Variants in PRDM16 observed in about 807,000 individuals in gnomAD.
PRDM16 encodes histone-lysine N-methyltransferase PRDM16.
Under a neutral mutation model 110.6 loss-of-function variants are expected in PRDM16, and 23 were observed. That is an observed-to-expected ratio of 0.21 (90% CI 0.15 to 0.29). PRDM16 has a LOEUF of 0.29. Among genes scored for constraint, PRDM16 ranks in the 10% least tolerant of loss-of-function variants. The pLI is 1.00. For synonymous variants in PRDM16, 799 were observed against 781.8 expected (o/e 1.02, Z -0.37); for missense variants, 1,615 against 1,794.3 (o/e 0.90, Z 1.81).
rs1231324055 is a variant in PRDM16 at position 3,209,729 on chromosome 1, C to G, written c.387+23255C>G. On this transcript the variant is annotated intron_variant, in intron 2 of 16. Transcript: ENST00000270722. This position sits in a 1 kb window ranked among gnomAD's most constrained non-coding sequence, Gnocchi z 4.6. ...CACAGCCCTCCCGCCCCCCACAGAG[C>G]CCCTTCCCTGAGGGTTGGGCCAGGA... 6.6e-6 allele frequency among the ~76,000 whole-genome samples: 1 copy of G among 152,194 alleles called. No homozygotes were observed. The highest frequency in any genetic ancestry group is 1.5e-5 in the Non-Finnish European group (1 of 68,042).
chr1:3,091,548 G>C (rs1258427213), intron 1 of PRDM16, among the ~76,000 whole-genome samples: 1 of 152,232 alleles, frequency 6.6e-6, no homozygotes, highest in African/African-American at 2.4e-5. Flanking sequence ...ACACTTCTCC[G>C]TGCACCCCTC....
chr1:3,267,987 C>T (rs556819434), intron 3 of PRDM16, among the ~76,000 whole-genome samples: 3 of 152,368 alleles, frequency 2.0e-5, no homozygotes, highest in South Asian at 2.1e-4. Context: ...GCCTGCCGTT[C>T]GCAAGCAACG....
chr1:3,309,442 T>C (rs1454017884), intron 3 of PRDM16: 2 of 152,200 alleles, frequency 1.3e-5, no homozygotes, highest in Non-Finnish European at 1.5e-5. Flanking sequence ...CACTGCTCCA[T>C]ATGTGGGGAG....
chr1:3,331,261 G>T (rs1000133493), intron 3 of PRDM16, among the ~76,000 whole-genome samples: 3 of 152,100 alleles, frequency 2.0e-5, no homozygotes, highest in African/African-American at 4.8e-5. Context: ...GCCAGCCTGG[G>T]GGGGGCGCAT....
In PRDM16 at chr1:3,417,957, G is replaced by C. The variant is rs538880639; in HGVS notation, c.2821G>C (p.Asp941His). 1 of 1,416,152 alleles carries C rather than the reference G, an allele frequency of 7.1e-7. No homozygotes were observed. Among genetic ancestry groups the C allele is most frequent in the African/African-American group, 1.5e-5 (1 of 66,454 alleles). 87.7% of individuals were successfully genotyped at this position (1,416,152 alleles called of 1,614,324 possible). A position where few individuals can be genotyped will look rare whatever the true frequency, so the allele number is the denominator to read the frequency against. The stretch of plus-strand genomic sequence containing the variant: ...CCGGTCCCCACCCCCAACGCTCTCC[G>C]ACCCCATCCTCAGGAAGGGCAAGGA... The part of the protein sequence containing the change: ...NFRSPPPTLS[D>H]PILRKGKERY... The change falls in exon 11 of 17, where the codon GAC (aspartate) becomes CAC (histidine). Residue 941 changes from aspartate (D) to histidine (H), a missense_variant. Coordinates refer to ENST00000270722, the MANE Select transcript of PRDM16 (RefSeq NM_022114.4).
intron 16 of PRDM16, 27 bp from the exon 17 acceptor site, chr1:3,433,650 G>A: frequency 6.3e-7 from 1 of 1,596,448 alleles, no homozygotes. Flanking sequence ...TGCCTGTCCT[G>A]TGTGTGTGTC....
At chr1:3,362,164 C>T (rs552761954) in intron 3 of PRDM16, among the ~76,000 whole-genome samples, 1 of 152,252 alleles carries the variant, frequency 6.6e-6, no homozygotes, top group South Asian at 2.1e-4. Flanking sequence ...GGAGTGGCCT[C>T]AACTCCTTCC....
chr1:3,275,981 G>A (rs1192150246), intron 3 of PRDM16, among the ~76,000 whole-genome samples: 2 of 152,222 alleles, frequency 1.3e-5, no homozygotes, highest in Non-Finnish European at 2.9e-5. Flanking sequence ...CAGCACACGC[G>A]TGCCTGCTGC....
At chr1:3,202,768 A>G (rs1198877606) in intron 2 of PRDM16, among the ~76,000 whole-genome samples, 1 of 152,210 alleles carries the variant, frequency 6.6e-6, no homozygotes, top group African/African-American at 2.4e-5. Flanking sequence ...GCTCAGGCTC[A>G]GGCTCACAGA....
In PRDM16 at chr1:3,415,983, C is replaced by T. The variant is rs561535561; in HGVS notation, c.2691+1336C>T. On this transcript the variant is annotated intron_variant, in intron 10 of 16. Transcript: ENST00000270722. ...CCAGTTGATGGCTCAGGGAGCAAGG[C>T]AGCTTCCATCTGCCCATCGCTCATC... Among the ~76,000 whole-genome samples the T allele has an allele frequency of 4.6e-5, 7 of 152,364 alleles. No homozygotes were observed. In the East Asian group the frequency reaches 1.4e-3, roughly 29 times the overall value.
At chr1:3,372,907 G>A (rs1642929619) in intron 3 of PRDM16, among the ~76,000 whole-genome samples, 1 of 152,220 alleles carries the variant, frequency 6.6e-6, no homozygotes, top group Non-Finnish European at 1.5e-5. Flanking sequence ...TATGGGGTGG[G>A]GAGAGGGCCT....
In PRDM16 at chr1:3,143,021, G is replaced by A. The variant is rs1557479831; in HGVS notation, c.38-43104G>A. ...ATGCATTTGCTGGGATGCAGGATTC[G>A]GGCTGTGTTGCTGATGAGATCACAT... On this transcript the variant is annotated intron_variant, in intron 1 of 16. Transcript: ENST00000270722. The surrounding 1 kb of genome is among the most constrained non-coding windows in gnomAD (Gnocchi z 4.5). Among the ~76,000 whole-genome samples the A allele has an allele frequency of 6.6e-6, 1 of 152,234 alleles. No individual in the cohort carries two copies. Among genetic ancestry groups the A allele is most frequent in the Non-Finnish European group, 1.5e-5 (1 of 68,052 alleles).
At chr1:3,210,233 G>A (rs190357000) in intron 2 of PRDM16, among the ~76,000 whole-genome samples, 27 of 152,366 alleles carry the variant, frequency 1.8e-4, no homozygotes, top group African/African-American at 6.3e-4. Flanking sequence ...CTCTGGTCTG[G>A]CTCCTGAAGC....
At chr1:3,399,063 T>G (rs1643427978) in intron 5 of PRDM16, among the ~76,000 whole-genome samples, 1 of 152,240 alleles carries the variant, frequency 6.6e-6, no homozygotes, top group African/African-American at 2.4e-5. Context: ...GAAGCCACTT[T>G]CAGATGCATT....
intron 15 of PRDM16, 139 bp downstream of exon 15, chr1:3,431,247 A>C: frequency 7.3e-7 from 1 of 1,378,920 alleles, no homozygotes; most frequent in Non-Finnish European, 9.7e-7. Flanking sequence ...CAGGGCCTCC[A>C]CACACAGGCC....
chr1:3,120,170 G>T (rs1019763088), intron 1 of PRDM16, among the ~76,000 whole-genome samples: 1 of 152,212 alleles, frequency 6.6e-6, no homozygotes, highest in African/African-American at 2.4e-5. Flanking sequence ...TTATCAGTTC[G>T]CAGCTTGAAA....
intron 1 of PRDM16, among the ~76,000 whole-genome samples, chr1:3,139,035 G>A (rs964599037): frequency 3.9e-4 from 60 of 152,172 alleles, no homozygotes; most frequent in African/African-American, 9.7e-5. Context: ...TTCTGTTCTC[G>A]GGAGAGGCTT....
At position 3,435,016 on chromosome 1, in the gene PRDM16, G is replaced by T. The variant is rs1043908741; in HGVS notation, c.*1205G>T. The stretch of plus-strand genomic sequence containing the variant: ...CAGTCGTCACGTCGCTCTTCCTGCG[G>T]GTTCTTGGCGAGACACAGCTTGAGA... On this transcript the variant is annotated 3_prime_UTR_variant, in exon 17 of 17. Transcript: ENST00000270722. 8.8e-6 allele frequency: 2 copies of T among 227,680 alleles called. No homozygotes were observed. Among genetic ancestry groups the T allele is most frequent in the East Asian group, 1.3e-4 (2 of 15,996 alleles). The allele number at this position is 227,680 out of a possible 1,614,324, so 14.1% of individuals were successfully genotyped here.
intron 1 of PRDM16, among the ~76,000 whole-genome samples, chr1:3,126,678 A>G (rs1384173942): frequency 6.6e-6 from 1 of 152,142 alleles, no homozygotes; most frequent in Non-Finnish European, 1.5e-5. Flanking sequence ...CCTGCCCTGT[A>G]GGGCTGGTGC....
Sources: allele counts gnomAD v4.1 joint callset (sites outside exome capture counted in the v4.1 genomes callset), GRCh38; gene constraint gnomAD v4.1.1; non-coding constraint Gnocchi (gnomAD v3.1); transcripts MANE v1.5; gene names NCBI Gene and HGNC (gene_info 2026-07-23, HGNC 2026-07-21).